The following PLAG1 variants were observed in gnomAD, a reference collection of about 807,000 sequenced individuals.
PLAG1 encodes the protein zinc finger protein PLAG1.
A neutral mutation model predicts 35.5 loss-of-function variants in PLAG1; 7 were observed. The ratio of observed to expected loss-of-function variants is 0.20; its 90% confidence interval spans 0.11 to 0.37. PLAG1 has a LOEUF of 0.37. PLAG1 is among the 10% of genes least tolerant of loss of function. The pLI is 1.00. For synonymous variants in PLAG1, 229 were observed against 225.4 expected (o/e 1.02, Z -0.14); for missense variants, 454 against 602.8 (o/e 0.75, Z 2.58).
intron 1 of PLAG1, among the ~76,000 whole-genome samples, chr8:56,197,393 C>T (rs953393502): frequency 3.9e-5 from 6 of 152,222 alleles, no homozygotes; most frequent in Non-Finnish European, 7.3e-5. Flanking sequence ...GTCCAGGTGT[C>T]CTCAGTGTCT....
Position 56,167,403 on chromosome 8 carries a change from C to T in PLAG1, c.343G>A (p.Asp115Asn), listed in dbSNP as rs755390631. The change falls in exon 5 of 5, where the codon GAC (aspartate) becomes AAC (asparagine). Residue 115 changes from aspartate to asparagine, a missense_variant. This residue lies in a region of PLAG1 where 170 missense variants were observed against 226.3 expected (regional missense o/e 0.75). Transcript: ENST00000316981. The surrounding 1 kb of genome is among the most constrained non-coding windows in gnomAD (Gnocchi z 5.9). Reference protein sequence around the residue: ...DHLKNHLHTHDPNKETFKCEE... With the variant: ...DHLKNHLHTHNPNKETFKCEE... ...CACTTAAACGTCTCTTTGTTAGGGT[C>T]GTGTGTATGGAGGTGATTCTTCAGA... The T allele has an allele frequency of 3.7e-6, 6 of 1,613,530 alleles. No homozygotes were observed. Among genetic ancestry groups the T allele is most frequent in the Middle Eastern group, 1.7e-4 (1 of 6,060 alleles).
At position 56,167,918 on chromosome 8, in the gene PLAG1, C is replaced by T. The variant is rs569445350; in HGVS notation, c.242+110G>A. ...CAATGTCTAATCTACTTAACATTTC[C>T]TCTTTGCAAATTAGCTGAAAAATGT... is the stretch of plus-strand genomic sequence containing the variant. On this transcript the variant is annotated intron_variant, in intron 4 of 4. Coordinates refer to ENST00000316981, the MANE Select transcript of PLAG1 (RefSeq NM_002655.3). This position sits in a 1 kb window ranked among gnomAD's most constrained non-coding sequence, Gnocchi z 5.9. The T allele has an allele frequency of 1.6e-5, 10 of 628,386 alleles. No homozygotes were observed. In the South Asian group the frequency reaches 2.4e-4, roughly 15 times the overall value. 38.9% of individuals were successfully genotyped at this position (628,386 alleles called of 1,614,324 possible).
intron 2 of PLAG1, among the ~76,000 whole-genome samples, chr8:56,172,334 G>GT (rs1811555090): frequency 6.6e-6 from 1 of 152,078 alleles, no homozygotes; most frequent in South Asian, 2.1e-4. Context: ...CAAAAATTTA[G>GT]ACCTATAAAG....
At position 56,168,015 on chromosome 8, in the gene PLAG1, T is replaced by C; in HGVS notation, c.242+13A>G. ...GAGAAAATATAATCTGAAAGACAAA[T>C]AGAGTTTAATACCTTTGTAATTTGT... On this transcript the variant is annotated intron_variant, in intron 4 of 4. Coordinates refer to ENST00000316981, the MANE Select transcript of PLAG1 (RefSeq NM_002655.3). The C allele has an allele frequency of 7.5e-7, 1 of 1,336,092 alleles. No homozygotes were observed. Among genetic ancestry groups the C allele is most frequent in the African/African-American group, 1.5e-5 (1 of 68,372 alleles). 82.8% of individuals were successfully genotyped at this position (1,336,092 alleles called of 1,614,324 possible). A position where few individuals can be genotyped will look rare whatever the true frequency, so the allele number is the denominator to read the frequency against.
At chr8:56,189,094 C>A (rs1209593472) in intron 1 of PLAG1, among the ~76,000 whole-genome samples, 2 of 152,174 alleles carry the variant, frequency 1.3e-5, no homozygotes, top group African/African-American at 2.4e-5. Flanking sequence ...AGTGGATGCA[C>A]ACAGGGGAAA....
chr8:56,178,530 T>A (rs1016484240), intron 2 of PLAG1, among the ~76,000 whole-genome samples: 6 of 152,184 alleles, frequency 3.9e-5, no homozygotes, highest in Non-Finnish European at 8.8e-5. Flanking sequence ...ACCCATAGAA[T>A]GTTGTTCTTA....
At chr8:56,170,552 T>C (rs1006747728) in intron 3 of PLAG1, among the ~76,000 whole-genome samples, 2 of 152,220 alleles carry the variant, frequency 1.3e-5, no homozygotes, top group African/African-American at 4.8e-5. Context: ...GGAAACAAAT[T>C]GAACATTTCC....
intron 1 of PLAG1, among the ~76,000 whole-genome samples, chr8:56,202,791 T>C (rs1355919483): frequency 6.6e-6 from 1 of 152,176 alleles, no homozygotes; most frequent in Non-Finnish European, 1.5e-5. Flanking sequence ...AAGAATAACA[T>C]GATCTTGAGA....
chr8:56,166,836 C>A lies in PLAG1; in HGVS notation c.910G>T (p.Ala304Ser). The change falls in exon 5 of 5, where the codon GCC becomes TCC. Residue 304 changes from alanine to serine, a missense_variant. This residue lies in a region of PLAG1 where 271 missense variants were observed against 315.6 expected (regional missense o/e 0.86). Transcript: ENST00000316981. ...GGTAAAGTTGTGATCATTTGGTGGG[C>A]AGATCCCGAGCTCTGCATGGACTGA... ...PFQSMQSSGS[A>S]HQMITTLPLG... The A allele has an allele frequency of 6.2e-7, 1 of 1,614,058 alleles. No individual in the cohort carries two copies. The highest frequency in any genetic ancestry group is 8.5e-7 in the Non-Finnish European group (1 of 1,179,952).
intron 1 of PLAG1, among the ~76,000 whole-genome samples, chr8:56,197,420 G>A (rs1406928687): frequency 6.6e-6 from 1 of 152,186 alleles, no homozygotes; most frequent in Non-Finnish European, 1.5e-5. Context: ...AGCCTATCCT[G>A]GTGAACGTGC....
intron 2 of PLAG1, among the ~76,000 whole-genome samples, chr8:56,176,046 C>CT (rs1309523141): frequency 0.19 from 25,247 of 130,000 alleles, 2,653 homozygotes; most frequent in African/African-American, 0.21. Flanking sequence ...TTTTCCTTTT[C>CT]TTTTTTTTTT....
Position 56,184,399 on chromosome 8 carries a change from C to T in PLAG1, c.-321-4886G>A, listed in dbSNP as rs572094940. 1.1e-4 allele frequency among the ~76,000 whole-genome samples: 16 copies of T among 152,248 alleles called. No individual in the cohort carries two copies. The South Asian group carries it at 1.9e-3, about 18-fold the overall frequency. On this transcript the variant is annotated intron_variant, in intron 1 of 4. Coordinates refer to ENST00000316981, the MANE Select transcript of PLAG1 (RefSeq NM_002655.3). ...CATGGACAGGAAGGTAAAAATGGTACAATTGTTTTGAAAAACAGTTTGGCA... is the reference window on the plus strand; with the variant it reads ...CATGGACAGGAAGGTAAAAATGGTATAATTGTTTTGAAAAACAGTTTGGCA...
chr8:56,193,675 C>T (rs1485687150), intron 1 of PLAG1, among the ~76,000 whole-genome samples: 1 of 150,990 alleles, frequency 6.6e-6, no homozygotes, highest in African/African-American at 2.4e-5. Flanking sequence ...GTTTAACAGT[C>T]AGATCTTTCA....
intron 1 of PLAG1, among the ~76,000 whole-genome samples, chr8:56,207,022 G>T (rs1289736516): frequency 3.3e-5 from 5 of 151,848 alleles, no homozygotes; most frequent in Non-Finnish European, 7.4e-5. Flanking sequence ...ACACCAAAAA[G>T]AATATGTATT....
rs1585771170 is a variant in PLAG1, at chr8:56,164,696, C to T, written c.*1547G>A. The T allele has an allele frequency of 9.2e-6, 2 of 218,510 alleles. No homozygotes were observed. Among genetic ancestry groups the T allele is most frequent in the East Asian group, 1.4e-4 (2 of 14,742 alleles). 13.5% of individuals were successfully genotyped at this position (218,510 alleles called of 1,614,324 possible). The stretch of plus-strand genomic sequence containing the variant: ...TTCTTAGGTTAATGTCCCAACTGAC[C>T]CTTAGAAAAATATATTAATTAGACC... On this transcript the variant is annotated 3_prime_UTR_variant, in exon 5 of 5. Coordinates refer to ENST00000316981, the MANE Select transcript of PLAG1 (RefSeq NM_002655.3).
intron 3 of PLAG1, among the ~76,000 whole-genome samples, chr8:56,169,909 T>A (rs1251497592): frequency 6.6e-6 from 1 of 152,206 alleles, no homozygotes. Context: ...AACTTCCTTA[T>A]ATCACCTGTG....
At chr8:56,209,881 C>A (rs1338668229) in intron 1 of PLAG1, among the ~76,000 whole-genome samples, 4 of 152,164 alleles carry the variant, frequency 2.6e-5, no homozygotes, top group African/African-American at 7.2e-5. Context: ...CGGAAAGGTT[C>A]ATTCTTCCAA....
intron 1 of PLAG1, among the ~76,000 whole-genome samples, chr8:56,180,506 A>G (rs1811833410): frequency 6.6e-6 from 1 of 152,168 alleles, no homozygotes; most frequent in Non-Finnish European, 1.5e-5. Flanking sequence ...TTTTGTTGCC[A>G]TTGCTTTTGG....
chr8:56,210,174 C>T (rs1012231111), intron 1 of PLAG1, among the ~76,000 whole-genome samples: 3 of 152,150 alleles, frequency 2.0e-5, no homozygotes, highest in Non-Finnish European at 4.4e-5. Context: ...ATATTAACTC[C>T]TTGGTCCCTG....
Sources: allele counts gnomAD v4.1 joint callset (sites outside exome capture counted in the v4.1 genomes callset), GRCh38; gene constraint gnomAD v4.1.1; regional missense constraint gnomAD v4.1.1; non-coding constraint Gnocchi (gnomAD v3.1); transcripts MANE v1.5; gene names NCBI Gene and HGNC (gene_info 2026-07-23, HGNC 2026-07-21).